The following PIH1D1 variants were observed in gnomAD, a reference collection of about 807,000 sequenced individuals.
PIH1D1 encodes the protein PIH1 domain containing 1, also known as PIH1 domain-containing protein 1.
PIH1D1 carries 28 observed loss-of-function variants against 38.5 expected under a neutral mutation model. The ratio of observed to expected loss-of-function variants is 0.73; its 90% confidence interval spans 0.54 to 1.00. The LOEUF (loss-of-function observed/expected upper bound fraction) is 1.00, where lower values mean the gene tolerates loss of function less well. Among genes scored for constraint, PIH1D1 ranks in the 50% least tolerant of loss-of-function variants. The probability of loss-of-function intolerance (pLI) is 0.00; values close to 1 mark genes in which losing one functional copy is unlikely to be tolerated. For missense variants in PIH1D1, 343 were observed against 369.9 expected, an observed-to-expected ratio of 0.93 and a Z score of 0.60; for synonymous variants, 155 against 153.5, an observed-to-expected ratio of 1.01 and a Z score of -0.07.
Position 49,449,529 on chromosome 19 carries a change from C to A in PIH1D1, c.283G>T (p.Ala95Ser), listed in dbSNP as rs1418470676. The A allele has an allele frequency of 4.3e-6, 7 of 1,614,094 alleles. No individual in the cohort carries two copies. The highest frequency in any genetic ancestry group is 2.5e-6 in the Non-Finnish European group (3 of 1,180,044). Residue 95 changes from alanine (A) to serine (S), a missense_variant, in exon 3 of 9, where the codon GCT becomes TCT. Coordinates refer to ENST00000262265, the MANE Select transcript of PIH1D1 (RefSeq NM_017916.3). ...ELLQMLEEDQAGFRIPMSLGE... is the reference protein window; with the variant it reads ...ELLQMLEEDQSGFRIPMSLGE... ...AGACTCATGGGGATGCGAAACCCAG[C>A]TTGGTCCTCCTCTAGCATCTGAAGC...
At chr19:49,448,145 C>A in intron 3 of PIH1D1, 83 bp from the exon 4 acceptor site, 1 of 1,373,366 alleles carries the variant, frequency 7.3e-7, no homozygotes, top group South Asian at 1.2e-5. Context: ...AAGAAACATT[C>A]AGGGACAGCG....
chr19:49,447,897 G>A lies in PIH1D1; in HGVS notation c.411C>T (p.Phe137=). ...DFYRRMQNSD[F]LRELVITIAR... ...CGATGGTGATCACGAGCTCCCGCAA[G>A]AAATCGCTGTTCTGGGGTGACAGAG... is the stretch of plus-strand genomic sequence containing the variant. The change falls in exon 5 of 9, where the codon TTC becomes TTT. Residue 137 remains phenylalanine (F), a synonymous_variant. Transcript: ENST00000262265. 6.2e-7 allele frequency: 1 copy of A among 1,614,170 alleles called. No homozygotes were observed. The highest frequency in any genetic ancestry group is 1.1e-5 in the South Asian group (1 of 91,080).
Position 49,446,592 on chromosome 19 carries a change from T to C in PIH1D1, c.790A>G (p.Asn264Asp), listed in dbSNP as rs1402392307. The C allele has an allele frequency of 6.2e-7, 1 of 1,613,962 alleles. No individual in the cohort carries two copies. The highest frequency in any genetic ancestry group is 1.1e-5 in the South Asian group (1 of 91,068). ...HLDAYIPLQI[N>D]SHESKAAFHR... ...AAGGCTGCCTTGCTCTCATGAGAGT[T>C]GATCTGCAGCGGGATATAAGCGTCT... Residue 264 changes from asparagine (N) to aspartate (D), a missense_variant, in exon 8 of 9, where the codon AAC becomes GAC. Asn to Asp is a conservative substitution (Grantham distance 23, BLOSUM62 1). Transcript: ENST00000262265.
chr19:49,446,417 T>C lies in PIH1D1; in HGVS notation c.838A>G (p.Met280Val), dbSNP rs778298943. The change falls in exon 9 of 9, where the codon ATG becomes GTG. Residue 280 changes from methionine to valine, a missense_variant. Physicochemically the swap from Met to Val is conservative, Grantham distance 21. Coordinates refer to ENST00000262265, the MANE Select transcript of PIH1D1 (RefSeq NM_017916.3). ...AAFHRKRKQL[M>V]VAMPLLPVPS ...ACCGGCAGAAGCGGCATGGCCACCATTAATTGCTGAGGAGACAGAGCAAAG... is the reference window on the plus strand; with the variant it reads ...ACCGGCAGAAGCGGCATGGCCACCACTAATTGCTGAGGAGACAGAGCAAAG... 4 of 970,400 alleles carry C rather than the reference T, an allele frequency of 4.1e-6. No individual in the cohort carries two copies. Among genetic ancestry groups the C allele is most frequent in the South Asian group, 3.8e-5 (3 of 78,520 alleles). The allele number at this position is 970,400 out of a possible 1,614,324, so 60.1% of individuals were successfully genotyped here. A position where few individuals can be genotyped will look rare whatever the true frequency, so the allele number is the denominator to read the frequency against.
rs529169736 is a variant in PIH1D1 at position 49,448,258 on chromosome 19, C to T, written c.338-196G>A. The T allele has an allele frequency of 3.6e-4, 220 of 609,012 alleles. 5 individuals are homozygous for T. The Middle Eastern group carries it at 4.8e-3, about 13-fold the overall frequency. 37.7% of individuals were successfully genotyped at this position (609,012 alleles called of 1,614,324 possible). ...CCTCCCTGGCCTCTTATCTCCTGTC[C>T]ATCAGTGTGATGTCACTAGAGTTGA... On this transcript the variant is annotated intron_variant, in intron 3 of 8. Coordinates refer to ENST00000262265, the MANE Select transcript of PIH1D1 (RefSeq NM_017916.3).
In PIH1D1 at chr19:49,447,857, C is replaced by T. The variant is rs539948289; in HGVS notation, c.451G>A (p.Glu151Lys). The T allele has an allele frequency of 6.2e-7, 1 of 1,614,198 alleles. No homozygotes were observed. The highest frequency in any genetic ancestry group is 1.3e-5 in the African/African-American group (1 of 75,058). The change falls in exon 5 of 9, where the codon GAG (glutamate) becomes AAG (lysine). Residue 151 changes from glutamate (E) to lysine (K), a missense_variant. By Grantham distance (56) the Glu-to-Lys change is moderately conservative. Coordinates refer to ENST00000262265, the MANE Select transcript of PIH1D1 (RefSeq NM_017916.3). ...LVITIAREGLEDKYNLQLNPE... is the reference protein window; with the variant it reads ...LVITIAREGLKDKYNLQLNPE... ...TTCAGCTGCAAGTTGTATTTGTCCT[C>T]AAGGCCCTCCCTGGCGATGGTGATC...
At chr19:49,449,790 TTC>T in intron 2 of PIH1D1, 136 bp from the exon 3 acceptor site, 1 of 557,944 alleles carries the variant, frequency 1.8e-6, no homozygotes, top group Non-Finnish European at 3.0e-6. Context: ...GATCCCTCAC[TTC>T]TCTTTTTTTT....
chr19:49,446,446 A>G, intron 8 of PIH1D1, 23 bp from the exon 9 acceptor site: 4 of 1,187,314 alleles, frequency 3.4e-6, no homozygotes, highest in Non-Finnish European at 3.8e-6. Context: ...AGCAAAGAGA[A>G]TGAGGATCCA....
At position 49,446,377 on chromosome 19, in the gene PIH1D1, C is replaced by T. The variant is rs1452376415; in HGVS notation, c.*5G>A. 1.2e-6 allele frequency: 1 copy of T among 809,428 alleles called. No individual in the cohort carries two copies. The highest frequency in any genetic ancestry group is 2.3e-6 in the Non-Finnish European group (1 of 444,324). 50.1% of individuals were successfully genotyped at this position (809,428 alleles called of 1,614,324 possible). ...ACATCTCAGAAGCACAAGGAGACAC[C>T]CTGATCAAGAAGGCACCGGCAGAAG... On this transcript the variant is annotated 3_prime_UTR_variant, in exon 9 of 9. Coordinates refer to ENST00000262265, the MANE Select transcript of PIH1D1 (RefSeq NM_017916.3).
At chr19:49,448,257 C>T in intron 3 of PIH1D1, 195 bp from the exon 4 acceptor site, 1 of 609,696 alleles carries the variant, frequency 1.6e-6, no homozygotes. Flanking sequence ...TATCTCCTGT[C>T]CATCAGTGTG....
chr19:49,449,749 G>T, intron 2 of PIH1D1, 95 bp from the exon 3 acceptor site: 1 of 1,082,366 alleles, frequency 9.2e-7, no homozygotes, highest in Non-Finnish European at 1.3e-6. Context: ...CTTTTGCCCT[G>T]TCCCCCTTTT....
chr19:49,447,096 A>T lies in PIH1D1; in HGVS notation c.615T>A (p.Pro205=), dbSNP rs753588413. 13 of 1,611,374 alleles carry T rather than the reference A, an allele frequency of 8.1e-6. No homozygotes were observed. The highest frequency in any genetic ancestry group is 4.0e-5 in the African/African-American group (3 of 74,650). The change falls in exon 7 of 9, where the codon CCT becomes CCA. Residue 205 remains proline (P), a synonymous_variant. Coordinates refer to ENST00000262265, the MANE Select transcript of PIH1D1 (RefSeq NM_017916.3). The part of the protein sequence containing the change: ...TPAPGRAESG[P]EKPHLNLWLE... ...GCCACAGGTTCAGGTGAGGCTTTTC[A>T]GGCCTGAGGAGGAACAAGGTCCAGG...
At chr19:49,451,014 C>A in intron 1 of PIH1D1, 166 bp from the exon 2 acceptor site, 1 of 1,255,386 alleles carries the variant, frequency 8.0e-7, no homozygotes, top group Non-Finnish European at 1.1e-6. Context: ...ACCCCAACCC[C>A]ATTCCCATTT....
Position 49,450,812 on chromosome 19 carries a change from G to A in PIH1D1, c.127C>T (p.Pro43Ser), listed in dbSNP as rs1355344600. The A allele has an allele frequency of 6.2e-7, 1 of 1,612,930 alleles. No homozygotes were observed. The highest frequency in any genetic ancestry group is 8.5e-7 in the Non-Finnish European group (1 of 1,179,774). ...TGAGGCTGGATTTGTGTCGATTCTG[G>A]TCTGGTTGTCTGGGCTTGCTGGAGC... The part of the protein sequence containing the change: ...KELQQAQTTR[P>S]ESTQIQPQPG... The change falls in exon 2 of 9, where the codon CCA (proline) becomes TCA (serine). Residue 43 changes from proline to serine, a missense_variant. Physicochemically the swap from Pro to Ser is moderately conservative, Grantham distance 74. Coordinates refer to ENST00000262265, the MANE Select transcript of PIH1D1 (RefSeq NM_017916.3).
Position 49,450,786 on chromosome 19 carries a change from C to T in PIH1D1, c.153G>A (p.Gln51=), listed in dbSNP as rs375479638. 7.4e-6 allele frequency: 12 copies of T among 1,612,144 alleles called. No homozygotes were observed. Among genetic ancestry groups the T allele is most frequent in the Non-Finnish European group, 1.0e-5 (12 of 1,179,560 alleles). ...TRPESTQIQP[Q]PGFCIKTNSS... ...CTCTCCGGTGTCCTTTCTCACCAGG[C>T]TGAGGCTGGATTTGTGTCGATTCTG... Residue 51 remains glutamine, a synonymous_variant, in exon 2 of 9, where the codon CAG becomes CAA. Transcript: ENST00000262265.
At position 49,447,385 on chromosome 19, in the gene PIH1D1, C is replaced by G; in HGVS notation, c.564G>C (p.Gln188His). The G allele has an allele frequency of 6.2e-7, 1 of 1,613,818 alleles. No individual in the cohort carries two copies. The highest frequency in any genetic ancestry group is 1.1e-5 in the South Asian group (1 of 91,078). Reference sequence around the variant, plus strand: ...CGGGCGTGTACAGGTCCCCCAGCTCCTGGATCCGAGGACGCTGCTCCGAGC... The same window carrying G: ...CGGGCGTGTACAGGTCCCCCAGCTCGTGGATCCGAGGACGCTGCTCCGAGC... ...NIRSEQRPRI[Q>H]ELGDLYTPAP... Residue 188 changes from glutamine to histidine, a missense_variant, in exon 6 of 9, where the codon CAG becomes CAC. Physicochemically the swap from Gln to His is conservative, Grantham distance 24. Coordinates refer to ENST00000262265, the MANE Select transcript of PIH1D1 (RefSeq NM_017916.3).
intron 2 of PIH1D1, 147 bp from the exon 3 acceptor site, chr19:49,449,801 T>A: frequency 2.8e-6 from 1 of 352,210 alleles, no homozygotes; most frequent in Non-Finnish European, 5.2e-6. Context: ...TCTCTTTTTT[T>A]TTTTTTTTTT....
chr19:49,448,932 C>A (rs181069986), intron 3 of PIH1D1: 66 of 267,830 alleles, frequency 2.5e-4, no homozygotes, highest in South Asian at 1.3e-3. Context: ...GTGGCTCACA[C>A]CTGTAATCCC....
chr19:49,450,111 A>G (rs1385470412), intron 2 of PIH1D1, among the ~76,000 whole-genome samples: 3 of 150,826 alleles, frequency 2.0e-5, no homozygotes, highest in Admixed American at 6.6e-5. Flanking sequence ...TTGTTTTTTG[A>G]GACAGGGTCT....
Sources: gnomAD v4.1 joint callset for allele counts (sites outside exome capture counted in the v4.1 genomes callset) on GRCh38, gnomAD v4.1.1 for gene constraint, MANE v1.5 for transcripts, NCBI Gene and HGNC (gene_info 2026-07-23, HGNC 2026-07-21) for gene names.